PACRG: variants seen among roughly 807,000 people sequenced by gnomAD.
PACRG encodes the protein parkin coregulated gene protein.
A neutral mutation model predicts 29.7 loss-of-function variants in PACRG; 29 were observed. That is an observed-to-expected ratio of 0.98 (90% CI 0.73 to 1.33). The LOEUF (loss-of-function observed/expected upper bound fraction) is 1.33, where lower values mean the gene tolerates loss of function less well. PACRG is among the 40% of genes most tolerant of loss of function. PACRG has a pLI of 0.00. For missense variants in PACRG, 279 were observed against 316.2 expected (o/e 0.88, Z 0.89); for synonymous variants, 116 against 118.7 (o/e 0.98, Z 0.15).
rs138768370 is a variant in PACRG at position 163,068,120 on chromosome 6, C to T, written c.463+5799C>T. 1.4e-3 allele frequency among the ~76,000 whole-genome samples: 218 copies of T among 152,316 alleles called. 1 individual carries two copies. The highest frequency in any genetic ancestry group is 5.1e-3 in the African/African-American group (211 of 41,568). On this transcript the variant is annotated intron_variant, in intron 3 of 4. Coordinates refer to ENST00000366888, the MANE Select transcript of PACRG (RefSeq NM_001080379.2). ...ACATATTGTCTTGGCCTGACACTTC[C>T]TGTTACTCCTTTTTTATGTTCAACC...
intron 4 of PACRG, among the ~76,000 whole-genome samples, chr6:163,148,764 A>G (rs1356781908): frequency 2.0e-5 from 3 of 152,118 alleles, no homozygotes; most frequent in African/African-American, 7.2e-5. Context: ...TACAGCACAC[A>G]GACCCTAAGC....
chr6:163,172,039 C>T (rs984313441), intron 4 of PACRG, among the ~76,000 whole-genome samples: 1 of 152,176 alleles, frequency 6.6e-6, no homozygotes, highest in African/African-American at 2.4e-5. Context: ...GGTCTGGCCC[C>T]GTAAGTGTGC....
intron 2 of PACRG, among the ~76,000 whole-genome samples, chr6:162,928,622 G>T (rs1236926422): frequency 6.6e-6 from 1 of 151,838 alleles, no homozygotes; most frequent in South Asian, 2.1e-4. Context: ...AGAAAGATTT[G>T]AATTATTCTC....
chr6:162,951,045 A>T (rs77535425), intron 2 of PACRG, among the ~76,000 whole-genome samples: 203 of 152,330 alleles, frequency 1.3e-3, no homozygotes, highest in Non-Finnish European at 2.4e-3. Context: ...TCTTGTATGT[A>T]ACACAGATGG....
chr6:162,999,235 T>C (rs75739135), intron 2 of PACRG, among the ~76,000 whole-genome samples: 2,501 of 152,326 alleles, frequency 0.016, 62 homozygotes, highest in African/African-American at 0.049. Flanking sequence ...TTCTTATTGG[T>C]AGGAAGCAGT....
chr6:163,234,263 G>A (rs1395388529), intron 4 of PACRG, among the ~76,000 whole-genome samples: 1 of 152,202 alleles, frequency 6.6e-6, no homozygotes, highest in Non-Finnish European at 1.5e-5. Flanking sequence ...CATGGGGGGT[G>A]CAGATCCCTC....
chr6:163,190,802 T>TAAAGTCAGA (rs1241985949), intron 4 of PACRG: 1 of 356,370 alleles, frequency 2.8e-6, no homozygotes, highest in East Asian at 8.2e-5. Flanking sequence ...GCTCCAAAGA[T>TAAAGTCAGA]AAAGTCAGAA....
At chr6:163,216,626 C>G (rs1016826003) in intron 4 of PACRG, among the ~76,000 whole-genome samples, 3 of 152,110 alleles carry the variant, frequency 2.0e-5, no homozygotes, top group Admixed American at 6.5e-5. Flanking sequence ...TCAATAAACA[C>G]CATCCATCTA....
Position 163,023,579 on chromosome 6 carries a change from T to G in PACRG, c.292-38571T>G, listed in dbSNP as rs557007566. 1.4e-4 allele frequency among the ~76,000 whole-genome samples: 21 copies of G among 152,322 alleles called. No individual in the cohort carries two copies. In the East Asian group the frequency reaches 3.9e-3, roughly 28 times the overall value. The stretch of plus-strand genomic sequence containing the variant: ...TTTGGTAGAACAATTTATTTTCTTT[T>G]GGGTATATACACAGGAATGGGATTG... On this transcript the variant is annotated intron_variant, in intron 2 of 4. Transcript: ENST00000366888.
upstream of PACRG, chr6:162,727,714 G>A (rs369389244): frequency 6.8e-5 from 105 of 1,551,056 alleles, no homozygotes; most frequent in Non-Finnish European, 8.3e-5. Context: ...AGGCCCATGC[G>A]CGCAGCGGCG....
chr6:162,972,211 A>C (rs1367094403), intron 2 of PACRG, among the ~76,000 whole-genome samples: 1 of 152,148 alleles, frequency 6.6e-6, no homozygotes, highest in African/African-American at 2.4e-5. Context: ...GTGATGTTTG[A>C]GATGTTTTCC....
intron 2 of PACRG, among the ~76,000 whole-genome samples, chr6:162,995,612 G>A (rs867980155): frequency 2.2e-4 from 33 of 152,212 alleles, no homozygotes; most frequent in Admixed American, 1.2e-3. Flanking sequence ...CGCCTGGTGC[G>A]TGCACCCACT....
At chr6:163,250,778 T>C (rs912993423) in intron 4 of PACRG, among the ~76,000 whole-genome samples, 22 of 152,196 alleles carry the variant, frequency 1.4e-4, no homozygotes, top group African/African-American at 5.3e-4. Flanking sequence ...ATATTTATTT[T>C]ATAGCACAAT....
At chr6:162,790,679 C>T (rs141048902) in intron 1 of PACRG, among the ~76,000 whole-genome samples, 1 of 152,244 alleles carries the variant, frequency 6.6e-6, no homozygotes, top group East Asian at 1.9e-4. Flanking sequence ...TTTCCCTCTG[C>T]ACAAAATTTA....
chr6:162,727,700 G>C (rs1197381958), upstream of PACRG: 1 of 1,564,928 alleles, frequency 6.4e-7, no homozygotes, highest in Non-Finnish European at 8.7e-7. Context: ...TGCGGGCCAG[G>C]AACAGGCCCA....
intron 1 of PACRG, among the ~76,000 whole-genome samples, chr6:162,797,834 T>C (rs1382142634): frequency 6.6e-6 from 1 of 152,128 alleles, no homozygotes; most frequent in Non-Finnish European, 1.5e-5. Context: ...TTTTTATATA[T>C]TGAGTTTCTT....
intron 2 of PACRG, among the ~76,000 whole-genome samples, chr6:162,975,169 T>C (rs562664151): frequency 6.6e-6 from 1 of 152,272 alleles, no homozygotes; most frequent in Non-Finnish European, 1.5e-5. Context: ...CCATGTTGGC[T>C]GAGAGGCTGA....
chr6:163,076,268 G>A (rs1418353239), intron 3 of PACRG, among the ~76,000 whole-genome samples: 1 of 152,108 alleles, frequency 6.6e-6, no homozygotes, highest in African/African-American at 2.4e-5. Flanking sequence ...CGCCATCTGG[G>A]ACTACTGGGA....
intron 4 of PACRG, among the ~76,000 whole-genome samples, chr6:163,311,646 G>A (rs1006936534): frequency 6.6e-6 from 1 of 151,942 alleles, no homozygotes; most frequent in Non-Finnish European, 1.5e-5. Flanking sequence ...TTCCTTTTTT[G>A]GTCTTTTTTC....
Sources: allele counts gnomAD v4.1 joint callset (sites outside exome capture counted in the v4.1 genomes callset), GRCh38; gene constraint gnomAD v4.1.1; transcripts MANE v1.5; gene names NCBI Gene and HGNC (gene_info 2026-07-23, HGNC 2026-07-21).